The following TENM4 variants were observed in gnomAD, a reference collection of about 807,000 sequenced individuals.
TENM4 encodes the protein teneurin-4.
A neutral mutation model predicts 243.3 loss-of-function variants in TENM4; 82 were observed. The observed-to-expected ratio is 0.34, with a 90% CI of 0.28 to 0.40. The LOEUF (loss-of-function observed/expected upper bound fraction) is 0.40. Ranked by LOEUF, TENM4 falls within the 10% of genes least tolerant of loss-of-function variation. TENM4 has a pLI of 1.00. For missense variants in TENM4, 3,138 were observed against 3,673.3 expected (o/e 0.85, Z 3.77); for synonymous variants, 1,412 against 1,456.3 (o/e 0.97, Z 0.69).
At chr11:78,799,580 C>T (rs1274020320) in intron 15 of TENM4, among the ~76,000 whole-genome samples, 2 of 152,186 alleles carry the variant, frequency 1.3e-5, no homozygotes, top group South Asian at 2.1e-4. Flanking sequence ...GGAAAACAAC[C>T]CTGCAAGGCA....
At chr11:79,424,913 G>A (rs7933210) in intron 1 of TENM4, among the ~76,000 whole-genome samples, 21,521 of 152,138 alleles carry the variant, frequency 0.14, 1,713 homozygotes, top group Middle Eastern at 0.18. Context: ...CAGCCTGGGA[G>A]ACAGAATGAG....
intron 3 of TENM4, among the ~76,000 whole-genome samples, chr11:79,164,915 G>A (rs1301802227): frequency 1.3e-5 from 2 of 150,986 alleles, no homozygotes; most frequent in African/African-American, 4.9e-5. Context: ...TCTTGGGTAT[G>A]ACTTTATCAG....
At chr11:79,111,062 C>T (rs1306418420) in intron 4 of TENM4, among the ~76,000 whole-genome samples, 2 of 152,038 alleles carry the variant, frequency 1.3e-5, no homozygotes, top group Admixed American at 6.5e-5. Context: ...ACAATTGAAT[C>T]ATGGGGGTGG....
At chr11:78,872,145 A>G (rs1859148290) in intron 9 of TENM4, among the ~76,000 whole-genome samples, 2 of 152,222 alleles carry the variant, frequency 1.3e-5, no homozygotes, top group African/African-American at 4.8e-5. Flanking sequence ...GCCAAGATCC[A>G]AAAGCAGATT....
At chr11:78,676,477 G>A in intron 29 of TENM4, 90 bp from the exon 30 acceptor site, 1 of 1,071,678 alleles carries the variant, frequency 9.3e-7, no homozygotes, top group Non-Finnish European at 1.3e-6. Context: ...GGACTTTAAA[G>A]GATGCTTTTC....
chr11:78,668,824 G>T (rs1483475666), intron 32 of TENM4, 113 bp downstream of exon 32: 3 of 1,343,884 alleles, frequency 2.2e-6, no homozygotes, highest in Non-Finnish European at 3.0e-6. Flanking sequence ...TGCTCTAAGA[G>T]AAAGTCAGTG....
chr11:79,437,262 C>T (rs1210303565), intron 1 of TENM4, among the ~76,000 whole-genome samples: 6 of 152,240 alleles, frequency 3.9e-5, no homozygotes, highest in African/African-American at 7.2e-5. Context: ...CACACACACA[C>T]ACAGGCGCGC....
rs531433296 is a variant in TENM4 at position 78,655,059 on chromosome 11, C to T, written c.*2999G>A. On this transcript the variant is annotated 3_prime_UTR_variant, in exon 34 of 34. Transcript: ENST00000278550. ...GGTCCTCTCAGGATGGGAGTCGATG[C>T]TTGGAGCCTATTACATAGGCACAGG... 3.3e-5 allele frequency: 5 copies of T among 152,314 alleles called. No individual in the cohort carries two copies. Among genetic ancestry groups the T allele is most frequent in the African/African-American group, 4.8e-5 (2 of 41,548 alleles). 9.4% of individuals were successfully genotyped at this position (152,314 alleles called of 1,614,324 possible).
At chr11:79,143,651 A>G (rs914102833) in intron 4 of TENM4, among the ~76,000 whole-genome samples, 15 of 152,040 alleles carry the variant, frequency 9.9e-5, no homozygotes, top group Non-Finnish European at 1.9e-4. Flanking sequence ...TGTTGTGCAC[A>G]TGTATCCTAG....
intron 6 of TENM4, among the ~76,000 whole-genome samples, chr11:78,968,086 C>T (rs1202318544): frequency 6.6e-6 from 1 of 152,202 alleles, no homozygotes. Context: ...TGTTAGTTCA[C>T]TTGAGATCTG....
intron 2 of TENM4, among the ~76,000 whole-genome samples, chr11:79,230,989 G>A (rs1864362918): frequency 6.6e-6 from 1 of 152,222 alleles, no homozygotes; most frequent in Admixed American, 6.5e-5. Flanking sequence ...TGGGGTTGGG[G>A]AAAAGGTATG....
At chr11:79,403,919 G>T (rs1488791360) in intron 1 of TENM4, among the ~76,000 whole-genome samples, 1 of 152,232 alleles carries the variant, frequency 6.6e-6, no homozygotes, top group Non-Finnish European at 1.5e-5. Context: ...CTCATCATGT[G>T]TATTAGCTTG....
At chr11:78,942,458 A>G (rs1322240073) in intron 6 of TENM4, among the ~76,000 whole-genome samples, 1 of 151,640 alleles carries the variant, frequency 6.6e-6, no homozygotes, top group African/African-American at 2.4e-5. Flanking sequence ...AAAAAAAAAA[A>G]AAATTGCAAA....
rs370699206 is a variant in TENM4 at position 79,105,273 on chromosome 11, A to G, written c.-65-35264T>C. ...TTCCTTGCAATTCTAGTTGAGCTGA[A>G]ATCTATTAAATACAACAACTTCCCA... is the stretch of plus-strand genomic sequence containing the variant. On this transcript the variant is annotated intron_variant, in intron 4 of 33. Coordinates refer to ENST00000278550, the MANE Select transcript of TENM4 (RefSeq NM_001098816.3). Among the ~76,000 whole-genome samples the G allele has an allele frequency of 2.1e-3, 316 of 152,312 alleles. 13 individuals are homozygous for G. The South Asian group carries it at 0.063, about 30-fold the overall frequency.
Position 78,805,462 on chromosome 11 carries a change from C to T in TENM4, c.2009G>A (p.Arg670Gln), listed in dbSNP as rs376494916. 38 of 1,589,532 alleles carry T rather than the reference C, an allele frequency of 2.4e-5. 1 individual carries two copies. The highest frequency in any genetic ancestry group is 1.5e-4 in the African/African-American group (11 of 74,308). Reference protein sequence around the residue: ...VDCMDPTCSGRGVCVRGECHC... With the variant: ...VDCMDPTCSGQGVCVRGECHC... ...GCATTCGCCTCTCACGCAGACACCC[C>T]GGCCTGAACATGTGGGGTCCATGCA... is the stretch of plus-strand genomic sequence containing the variant. Residue 670 changes from arginine to glutamine, a missense_variant, in exon 15 of 34, where the codon CGG becomes CAG. Around this residue, in one of 2 missense-constraint regions of TENM4, gnomAD observed 2,467 missense variants for 3,059.1 expected, o/e 0.81. Coordinates refer to ENST00000278550, the MANE Select transcript of TENM4 (RefSeq NM_001098816.3).
At chr11:78,890,987 G>A (rs557285171) in intron 8 of TENM4, among the ~76,000 whole-genome samples, 75 of 152,226 alleles carry the variant, frequency 4.9e-4, no homozygotes, top group Non-Finnish European at 9.7e-4. Flanking sequence ...TGCTATGTGA[G>A]ATGGTTTTGG....
At chr11:79,398,364 T>C (rs1195895302) in intron 1 of TENM4, among the ~76,000 whole-genome samples, 4 of 152,094 alleles carry the variant, frequency 2.6e-5, no homozygotes, top group African/African-American at 4.8e-5. Flanking sequence ...CAGTCAGCAA[T>C]GTTCATCCAG....
chr11:79,360,276 A>C (rs1026321968), intron 1 of TENM4, among the ~76,000 whole-genome samples: 2 of 152,216 alleles, frequency 1.3e-5, no homozygotes, highest in Non-Finnish European at 2.9e-5. Flanking sequence ...TGATTTCAAA[A>C]ATTTCTTGTA....
At chr11:78,927,994 T>A (rs1398828317) in intron 6 of TENM4, among the ~76,000 whole-genome samples, 1 of 152,130 alleles carries the variant, frequency 6.6e-6, no homozygotes, top group Non-Finnish European at 1.5e-5. Flanking sequence ...CTTAAGCCTC[T>A]TCCAAGGAGA....
Sources: gnomAD v4.1 joint callset for allele counts (sites outside exome capture counted in the v4.1 genomes callset) on GRCh38, gnomAD v4.1.1 for gene constraint, gnomAD v4.1.1 regional missense constraint, MANE v1.5 for transcripts, NCBI Gene and HGNC (gene_info 2026-07-23, HGNC 2026-07-21) for gene names.